Variants in KCNC2 observed in about 807,000 individuals in gnomAD.
The protein encoded by KCNC2 is voltage-gated potassium channel KCNC2.
Under a neutral mutation model 44.5 loss-of-function variants are expected in KCNC2, and 21 were observed. The ratio of observed to expected loss-of-function variants is 0.47; its 90% CI spans 0.33 to 0.68. The LOEUF (loss-of-function observed/expected upper bound fraction) is 0.68, where lower values mean the gene tolerates loss of function less well. Ranked by LOEUF, KCNC2 falls within the 30% of genes least tolerant of loss-of-function variation. KCNC2 has a pLI of 0.01. For missense variants in KCNC2, 589 were observed against 826.2 expected (o/e 0.71, Z 3.52); for synonymous variants, 391 against 339.1 (o/e 1.15, Z -1.68).
chr12:75,198,274 C>T (rs1293534222), intron 2 of KCNC2, among the ~76,000 whole-genome samples: 2 of 151,802 alleles, frequency 1.3e-5, no homozygotes, highest in Non-Finnish European at 2.9e-5. Flanking sequence ...ATGAAAGTTG[C>T]TCAACTTTGA....
At chr12:75,160,165 C>G (rs1177327560) in intron 2 of KCNC2, among the ~76,000 whole-genome samples, 1 of 151,640 alleles carries the variant, frequency 6.6e-6, no homozygotes, top group African/African-American at 2.4e-5. Flanking sequence ...AGGCCCTAAT[C>G]CCATATAATT....
At chr12:75,108,331 C>A (rs1234761323) in intron 2 of KCNC2, among the ~76,000 whole-genome samples, 1 of 152,150 alleles carries the variant, frequency 6.6e-6, no homozygotes, top group South Asian at 2.1e-4. Context: ...AAAGATATTT[C>A]TAATTTAATG....
rs1323146257 is a variant in KCNC2, at chr12:75,042,277, T to A, written c.*828A>T. 6.2e-7 allele frequency: 1 copy of A among 1,609,358 alleles called. No individual in the cohort carries two copies. The highest frequency in any genetic ancestry group is 2.2e-5 in the East Asian group (1 of 44,700). ...AAACAATGCAAGCCTGGCTGGCAGT[T>A]ACCTTTCTCTCATGTTTTGTGCCTT... On this transcript the variant is annotated 3_prime_UTR_variant, in exon 5 of 5. Transcript: ENST00000549446.
chr12:75,052,188 A>G (rs953770104), intron 2 of KCNC2, among the ~76,000 whole-genome samples: 4 of 152,086 alleles, frequency 2.6e-5, no homozygotes, highest in African/African-American at 9.7e-5. Flanking sequence ...ACTCACATCA[A>G]TCCTCATAAC....
In KCNC2 at chr12:75,075,458, C is replaced by CATATATATATATATATAT. The variant is rs5799200; in HGVS notation, c.688-24159_688-24142dup. Reference sequence around the variant, plus strand: ...TTCTCAGGAGAGAAATATATATATACATATATATATATATATATATATATA... The same window carrying CATATATATATATATATAT: ...TTCTCAGGAGAGAAATATATATATACATATATATATATATATATATATATATATATATATATATATATA... On this transcript the variant is annotated intron_variant, in intron 2 of 4. Coordinates refer to ENST00000549446, the MANE Select transcript of KCNC2 (RefSeq NM_139137.4). Among the ~76,000 whole-genome samples the CATATATATATATATATAT allele has an allele frequency of 6.9e-3, 1,003 of 145,270 alleles. 9 individuals carry two copies. Among genetic ancestry groups the CATATATATATATATATAT allele is most frequent in the Middle Eastern group, 0.011 (3 of 268 alleles).
At chr12:75,173,157 G>T (rs2446315) in intron 2 of KCNC2, among the ~76,000 whole-genome samples, 1 of 151,616 alleles carries the variant, frequency 6.6e-6, no homozygotes, top group Admixed American at 6.6e-5. Context: ...CACAATTTAC[G>T]TCTTCTCCCT....
intron 2 of KCNC2, among the ~76,000 whole-genome samples, chr12:75,204,569 T>C (rs924555482): frequency 1.3e-5 from 2 of 152,098 alleles, no homozygotes; most frequent in Non-Finnish European, 2.9e-5. Flanking sequence ...AATAAGAGTG[T>C]TTATAAAAGT....
chr12:75,041,470 A>C lies in KCNC2; in HGVS notation c.*1635T>G. 8.1e-6 allele frequency: 10 copies of C among 1,238,614 alleles called. No individual in the cohort carries two copies. The highest frequency in any genetic ancestry group is 1.0e-5 in the Non-Finnish European group (10 of 979,504). 76.7% of individuals were successfully genotyped at this position (1,238,614 alleles called of 1,614,324 possible). On this transcript the variant is annotated 3_prime_UTR_variant, in exon 5 of 5. Transcript: ENST00000549446. ...CTTCCTAACAAAAAATAAACATGAG[A>C]AATAGGAATTAATCAGCAGTCTCAA... is the stretch of plus-strand genomic sequence containing the variant.
intron 2 of KCNC2, among the ~76,000 whole-genome samples, chr12:75,158,477 C>T (rs982273758): frequency 2.6e-5 from 4 of 151,846 alleles, no homozygotes; most frequent in Admixed American, 6.6e-5. Flanking sequence ...AAGTAACAGC[C>T]TACATTCTCT....
At chr12:75,149,742 C>T (rs1379282745) in intron 2 of KCNC2, among the ~76,000 whole-genome samples, 1 of 151,144 alleles carries the variant, frequency 6.6e-6, no homozygotes, top group Non-Finnish European at 1.5e-5. Context: ...AAAAAAAAGT[C>T]TAGTATAATT....
chr12:75,146,954 G>A (rs1368148245), intron 2 of KCNC2, among the ~76,000 whole-genome samples: 2 of 151,984 alleles, frequency 1.3e-5, no homozygotes, highest in Admixed American at 6.6e-5. Flanking sequence ...AAAACAAAAA[G>A]TACCAAGGAT....
At chr12:75,154,164 C>A (rs751448353) in intron 2 of KCNC2, among the ~76,000 whole-genome samples, 2 of 151,968 alleles carry the variant, frequency 1.3e-5, no homozygotes, top group Non-Finnish European at 1.5e-5. Context: ...ATAGGACTGA[C>A]TAGATAGAGC....
intron 2 of KCNC2, among the ~76,000 whole-genome samples, chr12:75,092,881 A>T (rs1885604523): frequency 6.6e-6 from 1 of 151,626 alleles, no homozygotes; most frequent in Non-Finnish European, 1.5e-5. Context: ...ATATGTGGAT[A>T]AGCTTATTAT....
At position 75,207,724 on chromosome 12, in the gene KCNC2, G is replaced by A. The variant is rs1205041769; in HGVS notation, c.260C>T (p.Ser87Phe). ...ATGGTCGCTGGCCCTGCCGCCGCGG[G>A]AACTGCAGTTGCCCGCGCCGCCCTC... ...CFEGGAGNCS[S>F]RGGRASDHPG... is the part of the protein sequence containing the mutation. The change falls in exon 2 of 5, where the codon TCC becomes TTC. Residue 87 changes from serine to phenylalanine, a missense_variant. Transcript: ENST00000549446. This position sits in a 1 kb window ranked among gnomAD's most constrained non-coding sequence, Gnocchi z 4.1. 6.3e-7 allele frequency: 1 copy of A among 1,575,622 alleles called. No homozygotes were observed. Among genetic ancestry groups the A allele is most frequent in the South Asian group, 1.1e-5 (1 of 87,408 alleles).
intron 2 of KCNC2, among the ~76,000 whole-genome samples, chr12:75,205,962 C>T (rs2446326): frequency 0.41 from 61,176 of 150,522 alleles, 15,091 homozygotes; most frequent in African/African-American, 0.71. Context: ...TGTATGCAGG[C>T]ATGTTAGAAT....
chr12:75,083,092 T>A (rs1884655412), intron 2 of KCNC2, among the ~76,000 whole-genome samples: 1 of 150,058 alleles, frequency 6.7e-6, no homozygotes, highest in African/African-American at 2.4e-5. Flanking sequence ...TAGTAAGAAT[T>A]AAAATTATTT....
At chr12:75,051,912 G>A (rs1881215132) in intron 2 of KCNC2, among the ~76,000 whole-genome samples, 2 of 151,908 alleles carry the variant, frequency 1.3e-5, no homozygotes, top group Admixed American at 1.3e-4. Context: ...TGCAAATTTA[G>A]GGAGGAAGAA....
intron 2 of KCNC2, among the ~76,000 whole-genome samples, chr12:75,056,167 A>T (rs1881724891): frequency 6.6e-6 from 1 of 152,072 alleles, no homozygotes; most frequent in African/African-American, 2.4e-5. Context: ...TTGTGAAATT[A>T]GTAAAAGAAT....
intron 2 of KCNC2, among the ~76,000 whole-genome samples, chr12:75,136,538 T>C (rs576042113): frequency 2.6e-5 from 4 of 152,114 alleles, no homozygotes; most frequent in Non-Finnish European, 5.9e-5. Flanking sequence ...GAGACTATTA[T>C]GAACAACTAC....
Sources: gnomAD v4.1 joint callset for allele counts (sites outside exome capture counted in the v4.1 genomes callset) on GRCh38, gnomAD v4.1.1 for gene constraint, Gnocchi (gnomAD v3.1) non-coding constraint, MANE v1.5 for transcripts, NCBI Gene and HGNC (gene_info 2026-07-23, HGNC 2026-07-21) for gene names.